FGF12: variants seen among roughly 807,000 people sequenced by gnomAD.
FGF12 encodes fibroblast growth factor 12.
FGF12 carries 14 observed loss-of-function variants against 23.6 expected under a neutral mutation model. The ratio of observed to expected loss-of-function variants is 0.59; its 90% confidence interval spans 0.39 to 0.93. FGF12 has a LOEUF of 0.93. Ranked by LOEUF, FGF12 falls within the 40% of genes least tolerant of loss-of-function variation. The pLI is 0.00. For missense variants in FGF12, 175 were observed against 217.8 expected, an observed-to-expected ratio of 0.80 and a Z score of 1.24; for synonymous variants, 62 against 77.3, an observed-to-expected ratio of 0.80 and a Z score of 1.04.
At chr3:192,320,358 TA>T (rs1164978218) in intron 4 of FGF12, among the ~76,000 whole-genome samples, 1 of 152,056 alleles carries the variant, frequency 6.6e-6, no homozygotes, top group Non-Finnish European at 1.5e-5. Context: ...GAGACCCCAA[TA>T]AAATAATAAC....
At chr3:192,522,067 G>A (rs1251756742) in intron 2 of FGF12, among the ~76,000 whole-genome samples, 1 of 151,976 alleles carries the variant, frequency 6.6e-6, no homozygotes, top group Admixed American at 6.6e-5. Context: ...GCGCGGTGGC[G>A]GGCGCCTGTA....
At chr3:192,522,809 T>C (rs558441970) in intron 2 of FGF12, among the ~76,000 whole-genome samples, 4 of 152,308 alleles carry the variant, frequency 2.6e-5, no homozygotes, top group Non-Finnish European at 2.9e-5. Flanking sequence ...TTAACAACCA[T>C]ATAAAAGAAT....
At chr3:192,517,291 T>A (rs1724696847) in intron 2 of FGF12, among the ~76,000 whole-genome samples, 1 of 152,232 alleles carries the variant, frequency 6.6e-6, no homozygotes, top group Non-Finnish European at 1.5e-5. Context: ...TTAATTATCT[T>A]TGCAACATAA....
At chr3:192,179,549 AT>A (rs10608823) in intron 4 of FGF12, among the ~76,000 whole-genome samples, 19,481 of 139,308 alleles carry the variant, frequency 0.14, 1,623 homozygotes, top group African/African-American at 0.26. Context: ...TGTAAGGTTG[AT>A]TTTTTTTTTT....
At chr3:192,280,636 A>G (rs1335480230) in intron 4 of FGF12, among the ~76,000 whole-genome samples, 1 of 152,060 alleles carries the variant, frequency 6.6e-6, no homozygotes, top group African/African-American at 2.4e-5. Context: ...TTTTCTCACA[A>G]CGAACCCATA....
In FGF12 at chr3:192,489,070, G is replaced by A. The variant is rs141029361; in HGVS notation, c.14-128532C>T. 3.9e-3 allele frequency among the ~76,000 whole-genome samples: 596 copies of A among 152,002 alleles called. 3 individuals carry two copies. Among genetic ancestry groups the A allele is most frequent in the African/African-American group, 0.014 (576 of 41,484 alleles). Reference sequence around the variant, plus strand: ...GCAGCATCTCACAATGCTTGCCTGCGCTCTGGTTTCACTTTATTCTGGAAA... The same window carrying A: ...GCAGCATCTCACAATGCTTGCCTGCACTCTGGTTTCACTTTATTCTGGAAA... On this transcript the variant is annotated intron_variant, in intron 2 of 5. Transcript: ENST00000445105.
intron 4 of FGF12, among the ~76,000 whole-genome samples, chr3:192,213,581 G>T (rs1718043336): frequency 6.6e-6 from 1 of 152,180 alleles, no homozygotes; most frequent in South Asian, 2.1e-4. Flanking sequence ...AGATCGCCCA[G>T]CTTAGAAGGG....
At chr3:192,522,199 A>T in intron 2 of FGF12, among the ~76,000 whole-genome samples, 4 of 134,428 alleles carry the variant, frequency 3.0e-5, no homozygotes, top group South Asian at 2.2e-4. Flanking sequence ...CTCCGTCTCA[A>T]AAAAAAAAAA....
intron 2 of FGF12, among the ~76,000 whole-genome samples, chr3:192,497,841 A>T (rs1724008543): frequency 6.6e-6 from 1 of 152,176 alleles, no homozygotes. Context: ...ACCACCTGAC[A>T]TTCTATTATA....
At chr3:192,419,916 A>G (rs986019442) in intron 2 of FGF12, among the ~76,000 whole-genome samples, 1 of 152,212 alleles carries the variant, frequency 6.6e-6, no homozygotes, top group Non-Finnish European at 1.5e-5. Context: ...TTTTTAACAC[A>G]TGGTTGAAAA....
chr3:192,707,077 G>T (rs533586102), intron 2 of FGF12, among the ~76,000 whole-genome samples: 1 of 152,190 alleles, frequency 6.6e-6, no homozygotes, highest in Non-Finnish European at 1.5e-5. Flanking sequence ...ATTTATTTCA[G>T]TTTCCGCTTT....
chr3:192,537,582 C>T (rs184120194), intron 2 of FGF12, among the ~76,000 whole-genome samples: 29 of 152,214 alleles, frequency 1.9e-4, no homozygotes, highest in African/African-American at 5.3e-4. Flanking sequence ...TATACCACTT[C>T]GCATGTCTTC....
rs541264434 is a variant in FGF12, at chr3:192,460,665, C to T, written c.14-100127G>A. Among the ~76,000 whole-genome samples the T allele has an allele frequency of 3.3e-4, 47 of 140,884 alleles. 1 individual carries two copies. Among genetic ancestry groups the T allele is most frequent in the Middle Eastern group, 3.6e-3 (1 of 280 alleles). 92.4% of individuals were successfully genotyped at this position (140,884 alleles called of 152,430 possible). A position where few individuals can be genotyped will look rare whatever the true frequency, so the allele number is the denominator to read the frequency against. ...GCAACAACAAATATATACATATACA[C>T]ACACACACACATATATTTATATATA... On this transcript the variant is annotated intron_variant, in intron 2 of 5. Coordinates refer to ENST00000445105, the MANE Select transcript of FGF12 (RefSeq NM_004113.6).
At chr3:192,705,133 A>G (rs1280678438) in intron 2 of FGF12, among the ~76,000 whole-genome samples, 1 of 152,202 alleles carries the variant, frequency 6.6e-6, no homozygotes, top group South Asian at 2.1e-4. Flanking sequence ...ATTTCTTTCA[A>G]TAATTTTTCC....
chr3:192,361,592 C>A (rs1384403182), intron 2 of FGF12, among the ~76,000 whole-genome samples: 1 of 152,194 alleles, frequency 6.6e-6, no homozygotes, highest in African/African-American at 2.4e-5. Flanking sequence ...CTTCATCCTT[C>A]ATCCATTTAT....
chr3:192,312,746 C>CA (rs59639014), intron 4 of FGF12, among the ~76,000 whole-genome samples: 26,597 of 129,160 alleles, frequency 0.21, 2,984 homozygotes, highest in South Asian at 0.36. Flanking sequence ...GACTCGGTCT[C>CA]AAAAAAAAAA....
At chr3:192,546,486 CA>C (rs34097611) in intron 2 of FGF12, among the ~76,000 whole-genome samples, 25,167 of 142,648 alleles carry the variant, frequency 0.18, 2,189 homozygotes, top group East Asian at 0.33. Flanking sequence ...TGCTACTTTT[CA>C]AAAAAAAAAA....
At chr3:192,683,605 T>C (rs1171547951) in intron 2 of FGF12, among the ~76,000 whole-genome samples, 3 of 152,274 alleles carry the variant, frequency 2.0e-5, no homozygotes, top group African/African-American at 7.2e-5. Context: ...CCCCGCTCTA[T>C]TAAGCAGCTG....
intron 2 of FGF12, among the ~76,000 whole-genome samples, chr3:192,431,517 T>C (rs1721860107): frequency 6.6e-6 from 1 of 152,222 alleles, no homozygotes; most frequent in South Asian, 2.1e-4. Flanking sequence ...ACTCTTTTTA[T>C]ACTGTTATTC....
Sources: gnomAD v4.1 joint callset for allele counts (sites outside exome capture counted in the v4.1 genomes callset) on GRCh38, gnomAD v4.1.1 for gene constraint, MANE v1.5 for transcripts, NCBI Gene and HGNC (gene_info 2026-07-23, HGNC 2026-07-21) for gene names.